Variants in FBXW11 observed in about 807,000 individuals in gnomAD.
FBXW11 encodes the protein F-box and WD repeat domain containing 11.
Under a neutral mutation model 77.6 loss-of-function variants are expected in FBXW11, and 19 were observed. That is an observed-to-expected ratio of 0.24 (90% CI 0.17 to 0.36). The LOEUF is 0.36. FBXW11 is among the 10% of genes least tolerant of loss of function. The probability of loss-of-function intolerance (pLI) is 1.00; values close to 1 mark genes in which losing one functional copy is unlikely to be tolerated. For synonymous variants in FBXW11, 235 were observed against 249.4 expected (o/e 0.94, Z 0.54); for missense variants, 334 against 704.2 (o/e 0.47, Z 5.95).
intron 2 of FBXW11, among the ~76,000 whole-genome samples, chr5:171,948,273 T>C (rs2113236779): frequency 6.7e-6 from 1 of 149,572 alleles, no homozygotes; most frequent in South Asian, 2.1e-4. Context: ...TACTTCAGTG[T>C]ATGGAGTATA....
rs964277657 is a variant in FBXW11, at chr5:171,876,729, C to T, written c.972-195G>A. ...TGTTTTGGGTCATGGTGGTGTATCA[C>T]TCATGAATGGCTTGGTGCCATTCTC... On this transcript the variant is annotated intron_variant, in intron 8 of 13. Transcript: ENST00000517395. This position sits in a 1 kb window ranked among gnomAD's most constrained non-coding sequence, Gnocchi z 4.2. Among the ~76,000 whole-genome samples the T allele has an allele frequency of 1.3e-5, 2 of 152,282 alleles. No homozygotes were observed. The highest frequency in any genetic ancestry group is 4.1e-4 in the South Asian group (2 of 4,822).
chr5:171,979,542 G>C (rs560241421), intron 1 of FBXW11, among the ~76,000 whole-genome samples: 1 of 151,954 alleles, frequency 6.6e-6, no homozygotes, highest in African/African-American at 2.4e-5. Context: ...GTAAAAAAAG[G>C]TAAGTTCCTA....
chr5:171,918,360 A>G (rs1761387382), intron 2 of FBXW11, among the ~76,000 whole-genome samples: 1 of 152,136 alleles, frequency 6.6e-6, no homozygotes, highest in Non-Finnish European at 1.5e-5. Context: ...TTTGAATTTT[A>G]TTCCTTAAAG....
At position 171,957,661 on chromosome 5, in the gene FBXW11, T is replaced by C. The variant is rs757773466; in HGVS notation, c.83A>G (p.Asn28Ser). Reference sequence around the variant, plus strand: ...CAGTGCGCACATGCTCTCTACCAGGTTGGCGCAGCCTAGCCACAAAGACCT... The same window carrying C: ...CAGTGCGCACATGCTCTCTACCAGGCTGGCGCAGCCTAGCCACAAAGACCT... ...VPRSLWLGCA[N>S]LVESMCALSC... The change falls in exon 2 of 14, where the codon AAC becomes AGC. Residue 28 changes from asparagine (N) to serine (S), a missense_variant. By Grantham distance (46) the Asn-to-Ser change is conservative. Coordinates refer to ENST00000517395, the MANE Select transcript of FBXW11 (RefSeq NM_001378974.1). 3 of 1,614,170 alleles carry C rather than the reference T, an allele frequency of 1.9e-6. No homozygotes were observed. Among genetic ancestry groups the C allele is most frequent in the African/African-American group, 1.3e-5 (1 of 75,062 alleles).
intron 2 of FBXW11, among the ~76,000 whole-genome samples, chr5:171,941,119 AAAG>A (rs1762731070): frequency 6.6e-6 from 1 of 152,222 alleles, no homozygotes; most frequent in East Asian, 1.9e-4. Flanking sequence ...ACAAAGGGAA[AAAG>A]AATAACTTTA....
At chr5:171,882,835 G>A (rs1016875046) in intron 7 of FBXW11, among the ~76,000 whole-genome samples, 3 of 151,284 alleles carry the variant, frequency 2.0e-5, no homozygotes, top group Non-Finnish European at 4.4e-5. Flanking sequence ...GGTGGTATTT[G>A]GTTACCTAAG....
intron 1 of FBXW11, among the ~76,000 whole-genome samples, chr5:171,986,810 A>T (rs1022754467): frequency 4.6e-5 from 7 of 152,212 alleles, no homozygotes; most frequent in African/African-American, 7.2e-5. Flanking sequence ...ATTAGCTTGC[A>T]TCTTATGACA....
intron 1 of FBXW11, among the ~76,000 whole-genome samples, chr5:171,985,018 T>C (rs900571460): frequency 2.0e-5 from 3 of 152,220 alleles, no homozygotes; most frequent in African/African-American, 7.2e-5. Flanking sequence ...ACTCTCTTAA[T>C]AGTCTGATTT....
intron 2 of FBXW11, among the ~76,000 whole-genome samples, chr5:171,946,805 CTTTTTTTTTTTTTTTT>C (rs70982356): frequency 1.7e-5 from 1 of 58,634 alleles, no homozygotes; most frequent in Non-Finnish European, 2.9e-5. Context: ...GTGTACTTTA[CTTTTTTTTTTTTTTTT>C]TTTTTTTTTT....
intron 1 of FBXW11, among the ~76,000 whole-genome samples, chr5:171,984,445 T>G (rs1765324892): frequency 6.6e-6 from 1 of 152,250 alleles, no homozygotes; most frequent in Admixed American, 6.5e-5. Flanking sequence ...TCTACCCATT[T>G]ACATGTACTT....
intron 2 of FBXW11, among the ~76,000 whole-genome samples, chr5:171,953,444 C>A (rs1763452472): frequency 1.3e-5 from 2 of 152,104 alleles, no homozygotes; most frequent in African/African-American, 4.8e-5. Flanking sequence ...AGAAAACAGA[C>A]AAGAGGCAAT....
At chr5:171,981,484 G>C (rs545116696) in intron 1 of FBXW11, among the ~76,000 whole-genome samples, 19 of 152,114 alleles carry the variant, frequency 1.2e-4, no homozygotes, top group African/African-American at 3.9e-4. Flanking sequence ...ACCTTAAGTG[G>C]GGGCAGTCTT....
At chr5:171,948,903 C>G (rs994622228) in intron 2 of FBXW11, among the ~76,000 whole-genome samples, 2 of 152,244 alleles carry the variant, frequency 1.3e-5, no homozygotes, top group Admixed American at 6.5e-5. Flanking sequence ...AGCACAGGCT[C>G]TCTTCCAAAG....
intron 7 of FBXW11, among the ~76,000 whole-genome samples, chr5:171,886,204 T>G (rs985581499): frequency 1.3e-5 from 2 of 152,158 alleles, no homozygotes; most frequent in African/African-American, 4.8e-5. Flanking sequence ...TGTCCAACAA[T>G]GATAGACTGG....
At chr5:171,905,592 C>CCCA (rs1760441950) in intron 4 of FBXW11, among the ~76,000 whole-genome samples, 1 of 99,098 alleles carries the variant, frequency 1.0e-5, no homozygotes, top group Non-Finnish European at 2.6e-5. Flanking sequence ...AAAGCTAACC[C>CCCA]CCCCCCCTTT....
intron 1 of FBXW11, among the ~76,000 whole-genome samples, chr5:171,991,806 T>C (rs1765752459): frequency 6.6e-6 from 1 of 152,098 alleles, no homozygotes; most frequent in South Asian, 2.1e-4. Flanking sequence ...AACAAAATTC[T>C]CAGGTCAAGA....
At chr5:171,977,843 C>T (rs1764924297) in intron 1 of FBXW11, 1 of 240,588 alleles carries the variant, frequency 4.2e-6, no homozygotes, top group Non-Finnish European at 8.5e-6. Context: ...TCACCTCCCA[C>T]GGGGTCCCTC....
chr5:171,894,087 C>G (rs1476712841), intron 6 of FBXW11, among the ~76,000 whole-genome samples: 1 of 151,838 alleles, frequency 6.6e-6, no homozygotes, highest in African/African-American at 2.4e-5. Flanking sequence ...TTAACTGTAC[C>G]CAAAACCCTG....
intron 1 of FBXW11, among the ~76,000 whole-genome samples, chr5:171,980,891 G>A (rs541650867): frequency 4.3e-4 from 66 of 152,224 alleles, no homozygotes; most frequent in African/African-American, 1.5e-3. Context: ...TGATAGTATT[G>A]AGAGGAGCAT....
Sources: allele counts gnomAD v4.1 joint callset (sites outside exome capture counted in the v4.1 genomes callset), GRCh38; gene constraint gnomAD v4.1.1; non-coding constraint Gnocchi (gnomAD v3.1); transcripts MANE v1.5; gene names NCBI Gene and HGNC (gene_info 2026-07-23, HGNC 2026-07-21).